The following CADM2 variants were observed in gnomAD, a reference collection of about 807,000 sequenced individuals.
CADM2 encodes the protein cell adhesion molecule 2.
CADM2 carries 12 observed loss-of-function variants against 49.8 expected under a neutral mutation model. The ratio of observed to expected loss-of-function variants is 0.24; its 90% CI spans 0.15 to 0.39. CADM2 has a LOEUF of 0.39. Among genes scored for constraint, CADM2 ranks in the 10% least tolerant of loss-of-function variants. The probability of loss-of-function intolerance (pLI) is 1.00; values close to 1 mark genes in which losing one functional copy is unlikely to be tolerated. For synonymous variants in CADM2, 214 were observed against 175.4 expected, an observed-to-expected ratio of 1.22 and a Z score of -1.74; for missense variants, 378 against 492.3, an observed-to-expected ratio of 0.77 and a Z score of 2.20.
intron 1 of CADM2, among the ~76,000 whole-genome samples, chr3:85,659,053 A>AAATAATAATAATAATAATAAT (rs71112106): frequency 7.3e-4 from 102 of 140,058 alleles, no homozygotes; most frequent in East Asian, 2.6e-3. Flanking sequence ...CTCTGTCTCT[A>AAATAATAATAATAATAATAAT]AATAATAATA....
At chr3:85,552,526 G>A (rs1021970246) in intron 1 of CADM2, among the ~76,000 whole-genome samples, 3 of 151,298 alleles carry the variant, frequency 2.0e-5, no homozygotes, top group Admixed American at 6.6e-5. Flanking sequence ...GACTACAGGC[G>A]CCCGCCACCA....
chr3:85,056,067 A>T (rs1231133569), intron 1 of CADM2, among the ~76,000 whole-genome samples: 1 of 152,210 alleles, frequency 6.6e-6, no homozygotes, highest in South Asian at 2.1e-4. Flanking sequence ...ATTTTTATTC[A>T]TGAGATCACT....
At chr3:85,013,338 T>A (rs1232997554) in intron 1 of CADM2, among the ~76,000 whole-genome samples, 1 of 151,916 alleles carries the variant, frequency 6.6e-6, no homozygotes, top group Non-Finnish European at 1.5e-5. Context: ...ATTTCTGATC[T>A]TCACCTAGGC....
At chr3:85,302,866 G>A (rs1041397183) in intron 1 of CADM2, among the ~76,000 whole-genome samples, 12 of 151,910 alleles carry the variant, frequency 7.9e-5, no homozygotes, top group Admixed American at 3.9e-4. Context: ...GGTTGGACTT[G>A]ATGAATATTT....
intron 8 of CADM2, among the ~76,000 whole-genome samples, chr3:85,974,702 C>T (rs1460552135): frequency 6.6e-6 from 1 of 151,548 alleles, no homozygotes; most frequent in African/African-American, 2.4e-5. Flanking sequence ...TATAGAAGTA[C>T]TCAGATTATT....
At chr3:85,229,770 C>T (rs1460676826) in intron 1 of CADM2, among the ~76,000 whole-genome samples, 1 of 152,170 alleles carries the variant, frequency 6.6e-6, no homozygotes, top group Non-Finnish European at 1.5e-5. Flanking sequence ...TTGTCATGGC[C>T]TCAGGTGTAC....
chr3:85,298,883 T>G (rs2044030240), intron 1 of CADM2, among the ~76,000 whole-genome samples: 1 of 152,006 alleles, frequency 6.6e-6, no homozygotes, highest in Non-Finnish European at 1.5e-5. Context: ...ATCTTTAAGG[T>G]AAACTATTTC....
intron 1 of CADM2, among the ~76,000 whole-genome samples, chr3:85,460,305 T>C (rs949233122): frequency 3.3e-5 from 5 of 152,076 alleles, no homozygotes; most frequent in Admixed American, 6.6e-5. Context: ...ATCTATTTAA[T>C]TCGTTACCAA....
At chr3:86,040,191 G>A (rs1233062348) in intron 8 of CADM2, among the ~76,000 whole-genome samples, 2 of 152,108 alleles carry the variant, frequency 1.3e-5, no homozygotes, top group African/African-American at 4.8e-5. Flanking sequence ...CTCCTCCAAA[G>A]GAACACACCT....
intron 1 of CADM2, among the ~76,000 whole-genome samples, chr3:85,358,619 G>C (rs1438391900): frequency 6.6e-6 from 1 of 152,050 alleles, no homozygotes; most frequent in Non-Finnish European, 1.5e-5. Context: ...AATTTAAACA[G>C]TGATTGATCA....
intron 1 of CADM2, among the ~76,000 whole-genome samples, chr3:85,016,581 T>G (rs970786507): frequency 6.6e-6 from 1 of 152,030 alleles, no homozygotes; most frequent in Admixed American, 6.5e-5. Flanking sequence ...TCAGCTGAGG[T>G]CAAGAGTTCA....
In CADM2 at chr3:85,584,804, C is replaced by A. The variant is rs548287214; in HGVS notation, c.62-141718C>A. Among the ~76,000 whole-genome samples, 281 of 152,184 alleles carry A rather than the reference C, an allele frequency of 1.8e-3. 1 individual carries two copies. The highest frequency in any genetic ancestry group is 8.1e-3 in the South Asian group (39 of 4,826). On this transcript the variant is annotated intron_variant, in intron 1 of 9. Transcript: ENST00000383699. ...CAAGACAGTTCTTATATAATTACCT[C>A]AAGAACCTGTCATTTAATTCCATCA...
At chr3:85,672,413 T>C (rs4290815) in intron 1 of CADM2, among the ~76,000 whole-genome samples, 58,281 of 151,798 alleles carry the variant, frequency 0.38, 12,282 homozygotes, top group East Asian at 0.54. Flanking sequence ...GGGATGGTCT[T>C]GATCTCCTGA....
intron 1 of CADM2, among the ~76,000 whole-genome samples, chr3:85,694,125 T>A (rs2066477566): frequency 1.3e-5 from 2 of 152,180 alleles, no homozygotes; most frequent in Non-Finnish European, 2.9e-5. Flanking sequence ...AGTTTTTCTT[T>A]ATCATCTTTT....
intron 1 of CADM2, among the ~76,000 whole-genome samples, chr3:85,056,863 G>A (rs1055800283): frequency 6.6e-6 from 1 of 152,038 alleles, no homozygotes; most frequent in Non-Finnish European, 1.5e-5. Context: ...TAAATATAGT[G>A]TATAGATCTC....
At chr3:84,961,342 G>C (rs908712453) in intron 1 of CADM2, among the ~76,000 whole-genome samples, 42 of 152,320 alleles carry the variant, frequency 2.8e-4, no homozygotes, top group Admixed American at 2.2e-3. Context: ...ACCTTGTAGA[G>C]ATCTTGTGTA....
intron 3 of CADM2, among the ~76,000 whole-genome samples, chr3:85,806,599 T>C (rs1197829887): frequency 6.6e-6 from 1 of 152,056 alleles, no homozygotes; most frequent in South Asian, 2.1e-4. Flanking sequence ...TGACTTTAAA[T>C]GTGAATATTC....
At chr3:85,028,791 G>A (rs1339338665) in intron 1 of CADM2, among the ~76,000 whole-genome samples, 1 of 151,882 alleles carries the variant, frequency 6.6e-6, no homozygotes, top group Non-Finnish European at 1.5e-5. Flanking sequence ...CAGGAAACAA[G>A]ATAGAATTAT....
At chr3:85,643,516 A>G (rs1160048850) in intron 1 of CADM2, among the ~76,000 whole-genome samples, 1 of 152,160 alleles carries the variant, frequency 6.6e-6, no homozygotes, top group Non-Finnish European at 1.5e-5. Flanking sequence ...TAGCAAATCA[A>G]AACTTGATTA....
Sources: allele counts gnomAD v4.1 joint callset (sites outside exome capture counted in the v4.1 genomes callset), GRCh38; gene constraint gnomAD v4.1.1; transcripts MANE v1.5; gene names NCBI Gene and HGNC (gene_info 2026-07-23, HGNC 2026-07-21).